TPR: variants seen among roughly 807,000 people sequenced by gnomAD.
The protein encoded by TPR is translocated promoter region, nuclear basket protein.
In TPR, 51 loss-of-function variants were observed where a neutral mutation model predicts 316.1. That is an observed-to-expected ratio of 0.16 (90% confidence interval 0.13 to 0.20). TPR has a LOEUF of 0.20. TPR is among the 10% of genes least tolerant of loss of function. TPR has a pLI of 1.00. For synonymous variants in TPR, 981 were observed against 914.7 expected (o/e 1.07, Z -1.31); for missense variants, 2,272 against 2,754.8 (o/e 0.82, Z 3.92).
intron 25 of TPR, 99 bp downstream of exon 25, chr1:186,344,276 G>A (rs1658609357): frequency 2.1e-6 from 3 of 1,445,194 alleles, no homozygotes; most frequent in Non-Finnish European, 2.8e-6. Context: ...ACTCCAGCAT[G>A]GGTGACAGAG....
chr1:186,350,477 C>T (rs1658826919), intron 20 of TPR, 89 bp from the exon 21 acceptor site: 2 of 989,110 alleles, frequency 2.0e-6, no homozygotes, highest in Non-Finnish European at 2.8e-6. Context: ...TGGAGCTCGG[C>T]CAAGAGAGTA....
chr1:186,365,370 A>G (rs1227896228), intron 4 of TPR, among the ~76,000 whole-genome samples: 1 of 151,566 alleles, frequency 6.6e-6, no homozygotes, highest in Non-Finnish European at 1.5e-5. Context: ...TGCTGGGATT[A>G]TAGGCATGAG....
intron 43 of TPR, among the ~76,000 whole-genome samples, chr1:186,323,128 AAATT>A (rs1342427071): frequency 1.3e-5 from 2 of 152,174 alleles, no homozygotes; most frequent in Admixed American, 1.3e-4. Context: ...AACTTAAGCT[AAATT>A]AATAGAACTT....
rs377477878 is a variant in TPR, at chr1:186,336,616, G to A, written c.4585C>T (p.Arg1529Cys). Residue 1529 changes from arginine (R) to cysteine (C), a missense_variant, in exon 33 of 51, where the codon CGT (arginine) becomes TGT (cysteine). By Grantham distance (180) the Arg-to-Cys change is radical. Coordinates refer to ENST00000367478, the MANE Select transcript of TPR (RefSeq NM_003292.3). Reference sequence around the variant, plus strand: ...GTGGTTCTATCTTGAAGATCCTGACGAAGTCGTGAAAGTTCAGACTGAAGT... The same window carrying A: ...GTGGTTCTATCTTGAAGATCCTGACAAAGTCGTGAAAGTTCAGACTGAAGT... ...VQLQSELSRL[R>C]QDLQDRTTQE... The A allele has an allele frequency of 6.2e-6, 10 of 1,613,702 alleles. No homozygotes were observed. Among genetic ancestry groups the A allele is most frequent in the South Asian group, 2.2e-5 (2 of 91,070 alleles).
rs1372786450 is a variant in TPR, at chr1:186,374,930, T to A, written c.99A>T (p.Gln33His). The part of the protein sequence containing the change: ...NKLEKFLADQ[Q>H]SEIDGLKGRH... ...GCCCCTTCAGGCCATCGATCTCGGA[T>A]TGCTGATCAGCAAGGAACTTTTCAA... is the stretch of plus-strand genomic sequence containing the variant. The change falls in exon 1 of 51, where the codon CAA (glutamine) becomes CAT (histidine). Residue 33 changes from glutamine (Q) to histidine (H), a missense_variant. Physicochemically the swap from Gln to His is conservative, Grantham distance 24. Coordinates refer to ENST00000367478, the MANE Select transcript of TPR (RefSeq NM_003292.3). The A allele has an allele frequency of 6.2e-7, 1 of 1,607,228 alleles. No individual in the cohort carries two copies. The highest frequency in any genetic ancestry group is 2.2e-5 in the East Asian group (1 of 44,608).
chr1:186,360,874 C>T lies in TPR; in HGVS notation c.990G>A (p.Glu330=). The change falls in exon 10 of 51, where the codon GAG becomes GAA. Residue 330 remains glutamate, a synonymous_variant. Transcript: ENST00000367478. ...ANKAIQDHLL[E]VEQSKDQMEK... Reference sequence around the variant, plus strand: ...CCATTTGATCTTTGGATTGCTCCACCTCTAGAAGATGATCTTGTATTGCTT... The same window carrying T: ...CCATTTGATCTTTGGATTGCTCCACTTCTAGAAGATGATCTTGTATTGCTT... 1 of 1,612,640 alleles carries T rather than the reference C, an allele frequency of 6.2e-7. No homozygotes were observed. The highest frequency in any genetic ancestry group is 8.5e-7 in the Non-Finnish European group (1 of 1,179,162).
intron 2 of TPR, among the ~76,000 whole-genome samples, chr1:186,372,980 A>C (rs996652682): frequency 5.3e-5 from 8 of 152,232 alleles, no homozygotes; most frequent in African/African-American, 1.9e-4. Flanking sequence ...CTACTTCTTT[A>C]GTTGCATAAT....
chr1:186,333,003 C>T (rs1019079074), intron 37 of TPR, 119 bp downstream of exon 37: 23 of 1,187,626 alleles, frequency 1.9e-5, no homozygotes, highest in South Asian at 8.2e-5. Flanking sequence ...ATTATAATTG[C>T]GTAGGTCTAT....
chr1:186,358,863 C>T (rs989940567), intron 12 of TPR, among the ~76,000 whole-genome samples: 4 of 152,126 alleles, frequency 2.6e-5, no homozygotes, highest in African/African-American at 7.2e-5. Context: ...AAAACCCTCA[C>T]TTTCAACAGA....
rs1211261471 is a variant in TPR at position 186,344,153 on chromosome 1, G to A, written c.3418-63C>T. ...AATGCATATTTAAAAAAAACAACTT[G>A]GCCAGGCGCGGTGGCTAACGCCTGT... On this transcript the variant is annotated intron_variant, in intron 25 of 50. Transcript: ENST00000367478. The A allele has an allele frequency of 3.5e-5, 54 of 1,533,116 alleles. No individual in the cohort carries two copies. In the South Asian group the frequency reaches 6.3e-4, roughly 18 times the overall value. The allele number at this position is 1,533,116 out of a possible 1,614,324, so 95.0% of individuals were successfully genotyped here.
chr1:186,359,694 G>T, intron 12 of TPR, 105 bp downstream of exon 12: 4 of 1,135,908 alleles, frequency 3.5e-6, no homozygotes, highest in South Asian at 1.6e-5. Flanking sequence ...ATTGAAAATC[G>T]TATTTAGATT....
chr1:186,332,066 G>T, intron 38 of TPR, 129 bp downstream of exon 38: 1 of 975,192 alleles, frequency 1.0e-6, no homozygotes, highest in Non-Finnish European at 1.4e-6. Flanking sequence ...TTTGTAGAAA[G>T]TTCAATAAAA....
At chr1:186,364,625 T>G (rs555899459) in intron 4 of TPR, among the ~76,000 whole-genome samples, 1 of 152,278 alleles carries the variant, frequency 6.6e-6, no homozygotes, top group South Asian at 2.1e-4. Flanking sequence ...GAGAATTTAA[T>G]GCCAGTAAAG....
intron 50 of TPR, 79 bp downstream of exon 50, chr1:186,314,550 G>A (rs992719025): frequency 1.6e-5 from 17 of 1,091,986 alleles, no homozygotes; most frequent in Non-Finnish European, 2.1e-5. Flanking sequence ...ATAAATTGGA[G>A]GCTTAAGGAT....
At chr1:186,323,403 G>A (rs1657825623) in intron 43 of TPR, among the ~76,000 whole-genome samples, 2 of 152,044 alleles carry the variant, frequency 1.3e-5, no homozygotes, top group African/African-American at 2.4e-5. Flanking sequence ...TAAAACCCAA[G>A]AAAATCTTTT....
At chr1:186,337,185 C>A in intron 31 of TPR, 29 bp from the exon 32 acceptor site, 1 of 1,584,654 alleles carries the variant, frequency 6.3e-7, no homozygotes, top group Non-Finnish European at 8.6e-7. Context: ...ATAATACACT[C>A]ACATATTTAT....
In TPR at chr1:186,351,432, C is replaced by A; in HGVS notation, c.2508G>T (p.Arg836Ser). ...LERSETETKQ[R>S]LSSQIEKLEH... is the part of the protein sequence containing the mutation. ...CCAGTTTTTCTATCTGGCTACTAAG[C>A]CTTTGTTTGGTTTCTGTTTCAGATC... Residue 836 changes from arginine to serine, a missense_variant, in exon 20 of 51, where the codon AGG becomes AGT. Physicochemically the swap from Arg to Ser is moderately radical, Grantham distance 110. This residue lies in a region of TPR where 757 missense variants were observed against 859.8 expected (regional missense o/e 0.88). Coordinates refer to ENST00000367478, the MANE Select transcript of TPR (RefSeq NM_003292.3). 6.2e-7 allele frequency: 1 copy of A among 1,610,590 alleles called. No individual in the cohort carries two copies. Among genetic ancestry groups the A allele is most frequent in the South Asian group, 1.1e-5 (1 of 90,144 alleles).
intron 18 of TPR, 97 bp downstream of exon 18, chr1:186,353,591 T>C: frequency 7.3e-7 from 1 of 1,377,860 alleles, no homozygotes; most frequent in Non-Finnish European, 9.9e-7. Context: ...ACTTCTTAAA[T>C]ACCTAAGTCC....
chr1:186,365,098 T>G (rs1659301771), intron 4 of TPR, among the ~76,000 whole-genome samples: 1 of 107,822 alleles, frequency 9.3e-6, no homozygotes, highest in African/African-American at 4.2e-5. Flanking sequence ...GTAAAGGGGC[T>G]GCCCTTTTTT....
Sources: allele counts gnomAD v4.1 joint callset (sites outside exome capture counted in the v4.1 genomes callset), GRCh38; gene constraint gnomAD v4.1.1; regional missense constraint gnomAD v4.1.1; transcripts MANE v1.5; gene names NCBI Gene and HGNC (gene_info 2026-07-23, HGNC 2026-07-21).